Variants in SNAP47 observed in about 807,000 individuals in gnomAD.
SNAP47 encodes the protein synaptosomal-associated protein 47.
SNAP47 carries 20 observed loss-of-function variants against 31.4 expected under a neutral mutation model. That is an observed-to-expected ratio of 0.64 (90% CI 0.45 to 0.93). SNAP47 has a LOEUF of 0.93. Ranked by LOEUF, SNAP47 falls within the 40% of genes least tolerant of loss-of-function variation. The probability of loss-of-function intolerance (pLI) is 0.00; values close to 1 mark genes in which losing one functional copy is unlikely to be tolerated. For missense variants in SNAP47, 492 were observed against 528.5 expected, an observed-to-expected ratio of 0.93 and a Z score of 0.68; for synonymous variants, 194 against 213.4, an observed-to-expected ratio of 0.91 and a Z score of 0.79.
At chr1:227,764,763 G>T (rs1322696617) in intron 3 of SNAP47, among the ~76,000 whole-genome samples, 1 of 152,140 alleles carries the variant, frequency 6.6e-6, no homozygotes, top group African/African-American at 2.4e-5. Context: ...AATTAGCCGG[G>T]TGTGGTGGTG....
chr1:227,775,191 CAG>C (rs559314833), intron 4 of SNAP47, among the ~76,000 whole-genome samples: 288 of 152,338 alleles, frequency 1.9e-3, no homozygotes, highest in Middle Eastern at 3.4e-3. Flanking sequence ...CAGATCGCAG[CAG>C]AGAGTGTTCT....
upstream of SNAP47, chr1:227,732,277 A>C: frequency 4.0e-6 from 5 of 1,263,460 alleles, no homozygotes; most frequent in Non-Finnish European, 5.6e-6. Flanking sequence ...GCCAGGCCAC[A>C]AGCCTCGACA....
At chr1:227,742,737 G>A (rs1661691302) in intron 1 of SNAP47, among the ~76,000 whole-genome samples, 1 of 152,184 alleles carries the variant, frequency 6.6e-6, no homozygotes, top group Admixed American at 6.5e-5. Context: ...CAGGAGCATG[G>A]GCACAGCAAC....
Position 227,735,478 on chromosome 1 carries a change from G to C in SNAP47, c.-67G>C. The stretch of plus-strand genomic sequence containing the variant: ...GGCCGAGGCGCCGCGGTCGGCTCTG[G>C]GACTCGTCTGGCGTCCCTCAGGTGA... On this transcript the variant is annotated 5_prime_UTR_variant, in exon 1 of 5. Coordinates refer to ENST00000617596, the MANE Select transcript of SNAP47 (RefSeq NM_053052.4). The C allele has an allele frequency of 7.0e-7, 1 of 1,427,816 alleles. No individual in the cohort carries two copies. The highest frequency in any genetic ancestry group is 1.5e-5 in the South Asian group (1 of 65,364). The allele number at this position is 1,427,816 out of a possible 1,614,324, so 88.4% of individuals were successfully genotyped here.
At chr1:227,765,732 TC>T (rs1183684950) in intron 3 of SNAP47, among the ~76,000 whole-genome samples, 1 of 152,108 alleles carries the variant, frequency 6.6e-6, no homozygotes, top group Admixed American at 6.5e-5. Flanking sequence ...TCACCCCACT[TC>T]CCCACTTGCA....
At chr1:227,775,890 C>A (rs1203675347) in intron 4 of SNAP47, 1 of 1,303,212 alleles carries the variant, frequency 7.7e-7, no homozygotes, top group Non-Finnish European at 1.0e-6. Flanking sequence ...AGCAGGGCAG[C>A]AAGCGGAAGC....
In SNAP47 at chr1:227,763,460, A is replaced by C. The variant is rs1663190143; in HGVS notation, c.989-3499A>C. Among the ~76,000 whole-genome samples, 1 of 152,190 alleles carries C rather than the reference A, an allele frequency of 6.6e-6. No homozygotes were observed. Among genetic ancestry groups the C allele is most frequent in the Non-Finnish European group, 1.5e-5 (1 of 68,036 alleles). ...CAGGCGGATGCAGTGGGCAGTTAGT[A>C]AAGGACCAGAGCATTGGGGTGGCTG... On this transcript the variant is annotated intron_variant, in intron 3 of 4. Coordinates refer to ENST00000617596, the MANE Select transcript of SNAP47 (RefSeq NM_053052.4). The surrounding 1 kb of genome is among the most constrained non-coding windows in gnomAD (Gnocchi z 4.2).
upstream of SNAP47, chr1:227,733,878 G>A (rs779123351): frequency 1.3e-5 from 21 of 1,611,658 alleles, no homozygotes; most frequent in South Asian, 3.3e-5. Flanking sequence ...AGGCCCCTTC[G>A]GGTTCCACTC....
intron 4 of SNAP47, among the ~76,000 whole-genome samples, chr1:227,768,694 A>G (rs1049428188): frequency 6.6e-6 from 1 of 152,078 alleles, no homozygotes; most frequent in Non-Finnish European, 1.5e-5. Context: ...GTTCCTAGTC[A>G]CCTTCAGATA....
intron 1 of SNAP47, chr1:227,743,956 T>G (rs1314476765): frequency 2.0e-5 from 3 of 152,252 alleles, no homozygotes. Context: ...ACAGCCGACC[T>G]TCAGTACCTG....
In SNAP47 at chr1:227,781,046, A is replaced by ACGGC; in HGVS notation, c.*373_*374insCGGC. ...GTACTATAAATTTGTGAGTGAAGTT[A>ACGGC]GAGCCCAGCTCACTTAGCCAGCTCA... On this transcript the variant is annotated 3_prime_UTR_variant, in exon 5 of 5. Coordinates refer to ENST00000617596, the MANE Select transcript of SNAP47 (RefSeq NM_053052.4). The ACGGC allele has an allele frequency of 4.8e-6, 1 of 208,016 alleles. No homozygotes were observed. The highest frequency in any genetic ancestry group is 5.4e-5 in the Admixed American group (1 of 18,636). 12.9% of individuals were successfully genotyped at this position (208,016 alleles called of 1,614,324 possible).
intron 4 of SNAP47, among the ~76,000 whole-genome samples, chr1:227,771,209 G>T (rs1663780637): frequency 6.6e-6 from 1 of 152,206 alleles, no homozygotes; most frequent in Non-Finnish European, 1.5e-5. Context: ...CACGACACAG[G>T]CAGGAGGTCA....
chr1:227,774,582 G>A (rs1026121051), intron 4 of SNAP47, among the ~76,000 whole-genome samples: 3 of 152,106 alleles, frequency 2.0e-5, no homozygotes, highest in African/African-American at 4.8e-5. Flanking sequence ...AAGGGGGACC[G>A]GGCCGCAGCG....
At chr1:227,734,637 C>T (rs1359913141), upstream of SNAP47, 1 of 1,613,460 alleles carries the variant, frequency 6.2e-7, no homozygotes, top group Non-Finnish European at 8.5e-7. Context: ...TCGGTGCGTC[C>T]CAAGCCCCAT....
intron 4 of SNAP47, among the ~76,000 whole-genome samples, chr1:227,773,127 A>ATTTTTTTTTT (rs34140624): frequency 2.0e-5 from 2 of 102,370 alleles, no homozygotes; most frequent in Non-Finnish European, 3.7e-5. Flanking sequence ...CGTCCAGCTA[A>ATTTTTTTTTT]TTTTTTTTTT....
intron 3 of SNAP47, among the ~76,000 whole-genome samples, chr1:227,760,477 G>A (rs1239723237): frequency 6.6e-6 from 1 of 152,224 alleles, no homozygotes; most frequent in Non-Finnish European, 1.5e-5. Flanking sequence ...AGACTCCATT[G>A]TAGATTGTGA....
Position 227,747,808 on chromosome 1 carries a change from T to A in SNAP47, c.72T>A (p.Thr24=). The A allele has an allele frequency of 6.2e-7, 1 of 1,614,194 alleles. No homozygotes were observed. The highest frequency in any genetic ancestry group is 8.5e-7 in the Non-Finnish European group (1 of 1,180,026). Residue 24 remains threonine, a synonymous_variant, in exon 2 of 5, where the codon ACT becomes ACA. Coordinates refer to ENST00000617596, the MANE Select transcript of SNAP47 (RefSeq NM_053052.4). The stretch of plus-strand genomic sequence containing the variant: ...TGGAGCCCAAGAGGCGATGGGTTAC[T>A]GGACAGCTGTCCTTAACATCGCTGT... ...YYLEPKRRWV[T]GQLSLTSLSL... is the part of the protein sequence containing the mutation.
chr1:227,765,617 TAACCA>T (rs1663343540), intron 3 of SNAP47, among the ~76,000 whole-genome samples: 1 of 152,240 alleles, frequency 6.6e-6, no homozygotes, highest in South Asian at 2.1e-4. Flanking sequence ...TTGTTGGTTG[TAACCA>T]GAGTTTGTTT....
At chr1:227,746,988 A>G (rs1351627597) in intron 1 of SNAP47, 1 of 152,240 alleles carries the variant, frequency 6.6e-6, no homozygotes, top group Non-Finnish European at 1.5e-5. Flanking sequence ...CTATCATCCA[A>G]GACTTTCCAA....
Sources: allele counts gnomAD v4.1 joint callset (sites outside exome capture counted in the v4.1 genomes callset), GRCh38; gene constraint gnomAD v4.1.1; non-coding constraint Gnocchi (gnomAD v3.1); transcripts MANE v1.5; gene names NCBI Gene and HGNC (gene_info 2026-07-23, HGNC 2026-07-21).